The following ROBO1 variants were observed in gnomAD, a reference collection of about 807,000 sequenced individuals.
The protein encoded by ROBO1 is roundabout homolog 1.
In ROBO1, 149 loss-of-function variants were observed where a neutral mutation model predicts 195.9. The ratio of observed to expected loss-of-function variants is 0.76; its 90% CI spans 0.67 to 0.87. The LOEUF (loss-of-function observed/expected upper bound fraction) is 0.87, where lower values mean the gene tolerates loss of function less well. Among genes scored for constraint, ROBO1 ranks in the 40% least tolerant of loss-of-function variants. The pLI is 0.00. For missense variants in ROBO1, 1,933 were observed against 2,068.3 expected (o/e 0.93, Z 1.27); for synonymous variants, 816 against 733.2 (o/e 1.11, Z -1.82).
chr3:79,248,516 G>T (rs184347890), intron 2 of ROBO1, among the ~76,000 whole-genome samples: 48 of 152,170 alleles, frequency 3.2e-4, no homozygotes, highest in African/African-American at 1.1e-3. Context: ...TAAATACGTG[G>T]TGTGGCATTT....
At chr3:79,261,957 C>A (rs1007328732) in intron 2 of ROBO1, among the ~76,000 whole-genome samples, 1 of 151,940 alleles carries the variant, frequency 6.6e-6, no homozygotes, top group Non-Finnish European at 1.5e-5. Context: ...CCTTTCTGGA[C>A]AAATGTAAAA....
At chr3:79,080,578 A>C (rs2108460675) in intron 3 of ROBO1, among the ~76,000 whole-genome samples, 1 of 152,248 alleles carries the variant, frequency 6.6e-6, no homozygotes, top group South Asian at 2.1e-4. Context: ...AAAATGCATA[A>C]AAATGGACAA....
intron 1 of ROBO1, among the ~76,000 whole-genome samples, chr3:79,633,332 C>A (rs373974873): frequency 6.7e-6 from 1 of 149,316 alleles, no homozygotes; most frequent in Admixed American, 6.8e-5. Flanking sequence ...AGCTACCACA[C>A]CCAGCTAATT....
intron 2 of ROBO1, among the ~76,000 whole-genome samples, chr3:79,168,855 G>A (rs1200326034): frequency 6.6e-6 from 1 of 152,104 alleles, no homozygotes; most frequent in Non-Finnish European, 1.5e-5. Context: ...ATTAATTATA[G>A]ATGTTATGAA....
chr3:78,944,382 T>G (rs2040301271), intron 3 of ROBO1, among the ~76,000 whole-genome samples: 1 of 152,224 alleles, frequency 6.6e-6, no homozygotes, highest in African/African-American at 2.4e-5. Context: ...TTTCTCTCTC[T>G]GCCATGTGAG....
chr3:79,294,233 A>G (rs999875599), intron 2 of ROBO1, among the ~76,000 whole-genome samples: 14 of 152,072 alleles, frequency 9.2e-5, no homozygotes, highest in African/African-American at 3.4e-4. Context: ...ACAGCATGGT[A>G]TTGGTACCAA....
intron 3 of ROBO1, among the ~76,000 whole-genome samples, chr3:79,024,462 G>A (rs2078164605): frequency 6.6e-6 from 1 of 152,210 alleles, no homozygotes; most frequent in African/African-American, 2.4e-5. Flanking sequence ...CTTTAGAGAT[G>A]ATGTTGAGAT....
intron 1 of ROBO1, among the ~76,000 whole-genome samples, chr3:79,701,090 A>G (rs1049034984): frequency 9.9e-5 from 15 of 151,826 alleles, no homozygotes; most frequent in Admixed American, 6.6e-4. Context: ...AGTCCTTTAC[A>G]CATTTTTTAT....
chr3:79,067,925 G>GA (rs1224904637), intron 3 of ROBO1, among the ~76,000 whole-genome samples: 1 of 151,886 alleles, frequency 6.6e-6, no homozygotes, highest in African/African-American at 2.4e-5. Flanking sequence ...GGCAGGCCTT[G>GA]ATTCCTCCTC....
At chr3:79,491,270 G>GT (rs1939441679) in intron 2 of ROBO1, among the ~76,000 whole-genome samples, 4 of 149,662 alleles carry the variant, frequency 2.7e-5, no homozygotes, top group Non-Finnish European at 5.9e-5. Flanking sequence ...TACTACTAAA[G>GT]TAAGTGATTA....
At chr3:78,658,913 C>T (rs954493299) in intron 17 of ROBO1, among the ~76,000 whole-genome samples, 2 of 152,114 alleles carry the variant, frequency 1.3e-5, no homozygotes, top group African/African-American at 4.8e-5. Context: ...TTCTGAAAGG[C>T]ATTTTATTAT....
chr3:79,018,493 T>A (rs758793503), intron 3 of ROBO1: 1 of 1,613,428 alleles, frequency 6.2e-7, no homozygotes, highest in Non-Finnish European at 8.5e-7. Flanking sequence ...TACAGTCTCA[T>A]GCCAAGAGGA....
At chr3:79,019,808 A>G (rs1317225866) in intron 3 of ROBO1, among the ~76,000 whole-genome samples, 1 of 152,108 alleles carries the variant, frequency 6.6e-6, no homozygotes, top group Non-Finnish European at 1.5e-5. Flanking sequence ...TGCCGCTTCC[A>G]GGAATTGGAA....
At chr3:79,620,145 C>T (rs1944958593) in intron 1 of ROBO1, among the ~76,000 whole-genome samples, 1 of 152,196 alleles carries the variant, frequency 6.6e-6, no homozygotes, top group African/African-American at 2.4e-5. Flanking sequence ...AGGATTCCTC[C>T]TAAGCTGTGT....
intron 2 of ROBO1, among the ~76,000 whole-genome samples, chr3:79,174,150 G>T (rs2081221908): frequency 6.6e-6 from 1 of 152,214 alleles, no homozygotes. Flanking sequence ...CACTGTGGAA[G>T]CTTTGTTCTT....
At chr3:78,918,102 T>C (rs1303895460) in intron 4 of ROBO1, among the ~76,000 whole-genome samples, 1 of 152,152 alleles carries the variant, frequency 6.6e-6, no homozygotes, top group African/African-American at 2.4e-5. Context: ...CATGAAAACA[T>C]TAGATTGTGA....
chr3:79,514,758 C>T (rs1189223963), intron 2 of ROBO1, among the ~76,000 whole-genome samples: 1 of 152,170 alleles, frequency 6.6e-6, no homozygotes, highest in African/African-American at 2.4e-5. Context: ...TTAATGTATA[C>T]ATTCAGCAAA....
chr3:79,530,034 A>T (rs544750699), intron 2 of ROBO1, among the ~76,000 whole-genome samples: 105 of 152,284 alleles, frequency 6.9e-4, no homozygotes, highest in African/African-American at 2.5e-3. Context: ...TCACCAACCT[A>T]ATAGGAGAGA....
chr3:78,909,522 A>C (rs1011218001), intron 4 of ROBO1, among the ~76,000 whole-genome samples: 2 of 151,876 alleles, frequency 1.3e-5, no homozygotes, highest in Non-Finnish European at 2.9e-5. Context: ...TGTTTCAAGC[A>C]TAACAAGCAT....
Sources: gnomAD v4.1 joint callset for allele counts (sites outside exome capture counted in the v4.1 genomes callset) on GRCh38, gnomAD v4.1.1 for gene constraint, MANE v1.5 for transcripts, NCBI Gene and HGNC (gene_info 2026-07-23, HGNC 2026-07-21) for gene names.